The following TAFA2 variants were observed in gnomAD, a reference collection of about 807,000 sequenced individuals.
TAFA2 encodes chemokine-like protein TAFA-2.
A neutral mutation model predicts 18.8 loss-of-function variants in TAFA2; 7 were observed. That is an observed-to-expected ratio of 0.37 (90% CI 0.21 to 0.70). The LOEUF (loss-of-function observed/expected upper bound fraction) is 0.70, where lower values mean the gene tolerates loss of function less well. TAFA2 is among the 30% of genes least tolerant of loss of function. The pLI, the probability that TAFA2 is intolerant of heterozygous loss-of-function variation, is 0.53. For synonymous variants in TAFA2, 60 were observed against 54.2 expected (o/e 1.11, Z -0.47); for missense variants, 122 against 158.1 (o/e 0.77, Z 1.23).
chr12:61,937,583 C>T (rs1341563810), intron 1 of TAFA2, among the ~76,000 whole-genome samples: 1 of 152,152 alleles, frequency 6.6e-6, no homozygotes. Context: ...ATAAATGATG[C>T]TGGGAAAATG....
intron 1 of TAFA2, among the ~76,000 whole-genome samples, chr12:61,995,754 T>C (rs1358397318): frequency 6.6e-6 from 1 of 152,054 alleles, no homozygotes; most frequent in East Asian, 1.9e-4. Context: ...CGGCTTAGGG[T>C]AGATGAGAGA....
chr12:61,853,292 C>T (rs1172288562), intron 2 of TAFA2, among the ~76,000 whole-genome samples: 3 of 151,724 alleles, frequency 2.0e-5, no homozygotes, highest in African/African-American at 7.3e-5. Context: ...TGGACCTGAT[C>T]AATTTAATGT....
chr12:61,782,932 A>AT (rs1480481553), intron 2 of TAFA2, among the ~76,000 whole-genome samples: 2 of 151,766 alleles, frequency 1.3e-5, no homozygotes, highest in Non-Finnish European at 2.9e-5. Flanking sequence ...CAAAAAGCAC[A>AT]TTAATTTCCT....
At chr12:62,192,802 A>T (rs2062632825), upstream of TAFA2, 1 of 152,276 alleles carries the variant, frequency 6.6e-6, no homozygotes, top group Admixed American at 6.5e-5. Flanking sequence ...CTGCAGAAAA[A>T]GAACGAGACA....
chr12:62,164,055 T>C (rs2062423412), intron 1 of TAFA2, among the ~76,000 whole-genome samples: 1 of 152,174 alleles, frequency 6.6e-6, no homozygotes, highest in Admixed American at 6.5e-5. Flanking sequence ...TGAATAGTCT[T>C]GTTTCAGGCA....
At chr12:62,149,763 C>T (rs1229987163) in intron 1 of TAFA2, among the ~76,000 whole-genome samples, 1 of 151,904 alleles carries the variant, frequency 6.6e-6, no homozygotes, top group Non-Finnish European at 1.5e-5. Flanking sequence ...AAATACTTTC[C>T]TCCAACTCTC....
intron 1 of TAFA2, among the ~76,000 whole-genome samples, chr12:61,925,067 G>T (rs1232030428): frequency 6.6e-6 from 1 of 152,070 alleles, no homozygotes; most frequent in Non-Finnish European, 1.5e-5. Context: ...CCCAATACAG[G>T]AGCACCCATA....
chr12:61,894,183 A>G (rs1352936605), intron 1 of TAFA2, among the ~76,000 whole-genome samples: 1 of 152,226 alleles, frequency 6.6e-6, no homozygotes, highest in African/African-American at 2.4e-5. Context: ...GAATATGGGA[A>G]GTATAAAATA....
intron 1 of TAFA2, among the ~76,000 whole-genome samples, chr12:62,015,240 A>G (rs1880894704): frequency 6.6e-6 from 1 of 152,182 alleles, no homozygotes. Context: ...TTCTTCACTA[A>G]ACTAGGGCTC....
chr12:61,873,596 T>G (rs925084848), intron 1 of TAFA2, among the ~76,000 whole-genome samples: 2 of 152,180 alleles, frequency 1.3e-5, no homozygotes, highest in African/African-American at 4.8e-5. Flanking sequence ...TAAACTATTA[T>G]TGTTATTATT....
intron 2 of TAFA2, among the ~76,000 whole-genome samples, chr12:61,816,521 C>T (rs1054339914): frequency 1.3e-5 from 2 of 151,142 alleles, no homozygotes; most frequent in South Asian, 2.1e-4. Context: ...AATTTATATT[C>T]CCCTGAGTAT....
chr12:61,906,787 T>G (rs1022232721), intron 1 of TAFA2, among the ~76,000 whole-genome samples: 5 of 152,086 alleles, frequency 3.3e-5, no homozygotes, highest in Non-Finnish European at 5.9e-5. Context: ...GGTTATCAGA[T>G]GGAGATGAGG....
chr12:61,767,699 A>G (rs533930231), intron 2 of TAFA2, among the ~76,000 whole-genome samples: 2 of 152,242 alleles, frequency 1.3e-5, no homozygotes, highest in African/African-American at 4.8e-5. Context: ...TTCAGTAAGG[A>G]ACATCCAGGT....
Position 62,055,767 on chromosome 12 carries a change from G to GA in TAFA2, c.-2+135491dup, listed in dbSNP as rs533207757. ...AATTTTTTAGTAAAATGATAGACTA[G>GA]AAAAAAATACAAAAGAATAGAGATA... On this transcript the variant is annotated intron_variant, in intron 1 of 4. Transcript: ENST00000416284. Among the ~76,000 whole-genome samples the GA allele has an allele frequency of 1.3e-4, 19 of 151,868 alleles. 1 individual carries two copies. In the East Asian group the frequency reaches 3.5e-3, roughly 28 times the overall value.
chr12:62,224,154 A>G (rs2062776177), intron 1 of TAFA2, among the ~76,000 whole-genome samples: 2 of 151,906 alleles, frequency 1.3e-5, no homozygotes, highest in African/African-American at 4.8e-5. Context: ...AAAGGAAGGA[A>G]ATTCTGACAC....
At chr12:61,983,690 T>C (rs1879720291) in intron 1 of TAFA2, among the ~76,000 whole-genome samples, 1 of 152,084 alleles carries the variant, frequency 6.6e-6, no homozygotes, top group African/African-American at 2.4e-5. Context: ...TATTAATCAG[T>C]ACTCTATAAA....
chr12:62,126,422 A>G (rs1025269266), intron 1 of TAFA2, among the ~76,000 whole-genome samples: 2 of 152,092 alleles, frequency 1.3e-5, no homozygotes, highest in Admixed American at 6.6e-5. Context: ...TTTATGTCAA[A>G]CTGCCTTGGA....
At chr12:61,837,410 C>T (rs796588985) in intron 2 of TAFA2, among the ~76,000 whole-genome samples, 3 of 152,102 alleles carry the variant, frequency 2.0e-5, no homozygotes, top group African/African-American at 7.2e-5. Context: ...TCTTAATCTA[C>T]AGGTAAAAAG....
intron 2 of TAFA2, among the ~76,000 whole-genome samples, chr12:61,769,699 A>G (rs1254215031): frequency 6.7e-6 from 1 of 149,854 alleles, no homozygotes; most frequent in Non-Finnish European, 1.5e-5. Flanking sequence ...GGAGAGCACC[A>G]TAATTAAGGG....
Sources: allele counts gnomAD v4.1 joint callset (sites outside exome capture counted in the v4.1 genomes callset), GRCh38; gene constraint gnomAD v4.1.1; transcripts MANE v1.5; gene names NCBI Gene and HGNC (gene_info 2026-07-23, HGNC 2026-07-21).